Variants in RANBP9 observed in about 807,000 individuals in gnomAD.
The protein encoded by RANBP9 is RAN binding protein 9.
RANBP9 carries 15 observed loss-of-function variants against 84.3 expected under a neutral mutation model. The observed-to-expected ratio is 0.18, with a 90% CI of 0.12 to 0.27. The LOEUF is 0.27. Ranked by LOEUF, RANBP9 falls within the 10% of genes least tolerant of loss-of-function variation. The probability of loss-of-function intolerance (pLI) is 1.00; values close to 1 mark genes in which losing one functional copy is unlikely to be tolerated. For synonymous variants in RANBP9, 392 were observed against 349.6 expected, an observed-to-expected ratio of 1.12 and a Z score of -1.35; for missense variants, 809 against 912.8, an observed-to-expected ratio of 0.89 and a Z score of 1.46.
At chr6:13,702,606 T>TAA (rs1758002709) in intron 1 of RANBP9, among the ~76,000 whole-genome samples, 2 of 152,174 alleles carry the variant, frequency 1.3e-5, no homozygotes, top group Non-Finnish European at 2.9e-5. Context: ...ACACAATACT[T>TAA]TCCAAAGGAA....
chr6:13,669,946 G>C (rs1256162068), intron 2 of RANBP9, among the ~76,000 whole-genome samples: 1 of 151,444 alleles, frequency 6.6e-6, no homozygotes, highest in Non-Finnish European at 1.5e-5. Context: ...GGAAAGAACT[G>C]GTTTTTTTTT....
At chr6:13,707,311 A>G (rs1238810550) in intron 1 of RANBP9, among the ~76,000 whole-genome samples, 3 of 152,186 alleles carry the variant, frequency 2.0e-5, no homozygotes, top group Admixed American at 2.0e-4. Flanking sequence ...AAGCCACCAC[A>G]CCCACTGAAA....
chr6:13,622,268 A>G lies in RANBP9; in HGVS notation c.*94T>C. ...CGACAAAAACCTGTCCCCAGTACAT[A>G]ATTTAAAAAATCTAAATTTCAAATC... On this transcript the variant is annotated 3_prime_UTR_variant, in exon 14 of 14. Transcript: ENST00000011619. 1.6e-6 allele frequency: 2 copies of G among 1,283,688 alleles called. No homozygotes were observed. The highest frequency in any genetic ancestry group is 2.0e-6 in the Non-Finnish European group (2 of 986,954). The allele number at this position is 1,283,688 out of a possible 1,614,324, so 79.5% of individuals were successfully genotyped here.
intron 2 of RANBP9, among the ~76,000 whole-genome samples, chr6:13,680,236 GAACA>G (rs1310922667): frequency 2.0e-5 from 3 of 152,006 alleles, no homozygotes; most frequent in Non-Finnish European, 2.9e-5. Flanking sequence ...TAATGGAACA[GAACA>G]AATACTGAAA....
intron 12 of RANBP9, among the ~76,000 whole-genome samples, chr6:13,627,630 C>CAAAAAAA (rs35401168): frequency 4.5e-5 from 3 of 66,402 alleles, no homozygotes; most frequent in African/African-American, 5.9e-5. Flanking sequence ...ACTCCATCTC[C>CAAAAAAA]AAAAAAAAAA....
chr6:13,658,015 G>A (rs1365111527), intron 3 of RANBP9, among the ~76,000 whole-genome samples: 4 of 152,136 alleles, frequency 2.6e-5, no homozygotes, highest in African/African-American at 4.8e-5. Context: ...TTAGCAAAGA[G>A]AGTATTAGAA....
rs779091063 is a variant in RANBP9 at position 13,644,632 on chromosome 6, A to C, written c.1025T>G (p.Met342Arg). The C allele has an allele frequency of 5.6e-6, 9 of 1,613,584 alleles. No homozygotes were observed. The Admixed American group carries it at 1.2e-4, about 21-fold the overall frequency. Reference protein sequence around the residue: ...HPFVFDIEDYMREWRTKIQAQ... With the variant: ...HPFVFDIEDYRREWRTKIQAQ... ...CTGGATTTTGGTTCTCCACTCCCGC[A>C]TATAGTCTTCTATATCAAACACGAA... is the stretch of plus-strand genomic sequence containing the variant. Residue 342 changes from methionine to arginine, a missense_variant, in exon 6 of 14, where the codon ATG (methionine) becomes AGG (arginine). This residue lies in a region of RANBP9 where 216 missense variants were observed against 329.0 expected (regional missense o/e 0.66). Transcript: ENST00000011619.
intron 10 of RANBP9, among the ~76,000 whole-genome samples, chr6:13,637,392 T>A (rs1018452021): frequency 2.0e-5 from 3 of 152,034 alleles, no homozygotes; most frequent in Non-Finnish European, 4.4e-5. Context: ...CAAAAAAAAC[T>A]CACACACAGA....
chr6:13,627,611 CAG>C (rs923901738), intron 12 of RANBP9, among the ~76,000 whole-genome samples: 1 of 117,620 alleles, frequency 8.5e-6, no homozygotes, highest in Non-Finnish European at 1.6e-5. Context: ...GCATGGACGA[CAG>C]AGAGAGACTC....
chr6:13,665,034 T>C (rs529342503), intron 2 of RANBP9, among the ~76,000 whole-genome samples: 2 of 152,214 alleles, frequency 1.3e-5, no homozygotes, highest in Admixed American at 6.5e-5. Context: ...TTTGAACAAA[T>C]AGTAAAAAGA....
chr6:13,689,975 G>A (rs1467238240), intron 2 of RANBP9, among the ~76,000 whole-genome samples: 2 of 152,104 alleles, frequency 1.3e-5, no homozygotes, highest in Admixed American at 1.3e-4. Flanking sequence ...GACAGACCAG[G>A]TATGTAGTAG....
intron 12 of RANBP9, among the ~76,000 whole-genome samples, chr6:13,631,823 T>A (rs1356475883): frequency 6.6e-6 from 1 of 152,216 alleles, no homozygotes; most frequent in African/African-American, 2.4e-5. Context: ...ATCCATCCTA[T>A]CAGCTCATGG....
intron 2 of RANBP9, among the ~76,000 whole-genome samples, chr6:13,681,003 A>G (rs1162900558): frequency 1.3e-5 from 2 of 152,220 alleles, no homozygotes; most frequent in African/African-American, 4.8e-5. Flanking sequence ...CTAAGTGATC[A>G]GAATAAAGAT....
chr6:13,704,781 C>T (rs180692832), intron 1 of RANBP9, among the ~76,000 whole-genome samples: 1 of 151,864 alleles, frequency 6.6e-6, no homozygotes, highest in African/African-American at 2.4e-5. Context: ...AACACCTAGC[C>T]CCTCCCTTTC....
Position 13,625,647 on chromosome 6 carries a change from A to C in RANBP9, c.2059+6T>G. ...CTGAAATTGTGCCTTATTTGGCTTT[A>C]CTTACCTAATATTGCACTGTTAAGA... is the stretch of plus-strand genomic sequence containing the variant. On this transcript the variant is annotated splice_donor_region_variant and intron_variant, in intron 13 of 13. Coordinates refer to ENST00000011619, the MANE Select transcript of RANBP9 (RefSeq NM_005493.3). 1 of 1,582,208 alleles carries C rather than the reference A, an allele frequency of 6.3e-7. No individual in the cohort carries two copies.
intron 1 of RANBP9, among the ~76,000 whole-genome samples, chr6:13,703,639 G>C (rs1003246667): frequency 2.0e-5 from 3 of 152,156 alleles, no homozygotes; most frequent in African/African-American, 4.8e-5. Flanking sequence ...CAATTAGCCA[G>C]GCCAATCTGT....
chr6:13,686,400 C>T (rs1471796725), intron 2 of RANBP9, among the ~76,000 whole-genome samples: 2 of 151,998 alleles, frequency 1.3e-5, no homozygotes, highest in African/African-American at 4.8e-5. Context: ...ATTCTCCTGC[C>T]TCAGCCTCCC....
intron 1 of RANBP9, among the ~76,000 whole-genome samples, chr6:13,707,079 A>C (rs371291242): frequency 6.6e-6 from 1 of 151,080 alleles, no homozygotes; most frequent in Non-Finnish European, 1.5e-5. Flanking sequence ...TCACTCTGTC[A>C]CCCAGGCCAT....
intron 9 of RANBP9, among the ~76,000 whole-genome samples, chr6:13,638,338 C>T (rs921493630): frequency 1.3e-5 from 2 of 151,848 alleles, no homozygotes; most frequent in Non-Finnish European, 2.9e-5. Context: ...ACTTGTTGTA[C>T]AGAGTGGTGA....
Sources: gnomAD v4.1 joint callset for allele counts (sites outside exome capture counted in the v4.1 genomes callset) on GRCh38, gnomAD v4.1.1 for gene constraint, gnomAD v4.1.1 regional missense constraint, MANE v1.5 for transcripts, NCBI Gene and HGNC (gene_info 2026-07-23, HGNC 2026-07-21) for gene names.